The following ERC2 variants were observed in gnomAD, a reference collection of about 807,000 sequenced individuals.
The protein encoded by ERC2 is ELKS/RAB6-interacting/CAST family member 2.
ERC2 carries 42 observed loss-of-function variants against 114.8 expected under a neutral mutation model. The ratio of observed to expected loss-of-function variants is 0.37; its 90% CI spans 0.29 to 0.47. The LOEUF (loss-of-function observed/expected upper bound fraction) is 0.47. Ranked by LOEUF, ERC2 falls within the 20% of genes least tolerant of loss-of-function variation. ERC2 has a pLI of 0.99. For synonymous variants in ERC2, 454 were observed against 425.5 expected, an observed-to-expected ratio of 1.07 and a Z score of -0.82; for missense variants, 939 against 1,150.7, an observed-to-expected ratio of 0.82 and a Z score of 2.66.
chr3:55,603,182 T>C (rs1295283914), intron 17 of ERC2, among the ~76,000 whole-genome samples: 1 of 152,202 alleles, frequency 6.6e-6, no homozygotes, highest in African/African-American at 2.4e-5. Context: ...ATGAAAGGCT[T>C]CCTAATGAGC....
At chr3:55,900,823 A>G (rs2064095364) in intron 13 of ERC2, among the ~76,000 whole-genome samples, 3 of 152,236 alleles carry the variant, frequency 2.0e-5, no homozygotes, top group African/African-American at 7.2e-5. Context: ...AAGGAGCCAT[A>G]CTGTAGAAAG....
At chr3:55,533,998 G>C (rs962988843) in intron 17 of ERC2, among the ~76,000 whole-genome samples, 1 of 152,132 alleles carries the variant, frequency 6.6e-6, no homozygotes, top group Non-Finnish European at 1.5e-5. Flanking sequence ...TCCCAGCTTG[G>C]CCACTTACTG....
At chr3:55,980,668 A>G (rs1576441752) in intron 12 of ERC2, among the ~76,000 whole-genome samples, 1 of 152,228 alleles carries the variant, frequency 6.6e-6, no homozygotes, top group East Asian at 1.9e-4. Context: ...GAGATTTACT[A>G]TTTGCTGATA....
intron 3 of ERC2, among the ~76,000 whole-genome samples, 169 bp downstream of exon 3, chr3:56,295,850 T>A (rs562713165): frequency 6.6e-6 from 1 of 152,348 alleles, no homozygotes; most frequent in East Asian, 1.9e-4. Context: ...GAGCAAAGAC[T>A]AATACAAAAT....
At chr3:55,688,197 G>A (rs778716430) in intron 16 of ERC2, among the ~76,000 whole-genome samples, 2 of 152,146 alleles carry the variant, frequency 1.3e-5, no homozygotes, top group Non-Finnish European at 2.9e-5. Context: ...AAAAATAAGC[G>A]TTAGCTTATT....
chr3:56,261,856 C>G (rs1360416110), intron 3 of ERC2, among the ~76,000 whole-genome samples: 1 of 152,110 alleles, frequency 6.6e-6, no homozygotes, highest in African/African-American at 2.4e-5. Context: ...GATCCTCTCC[C>G]TCCTCCCACC....
chr3:56,075,522 T>A (rs1321089102), intron 7 of ERC2, among the ~76,000 whole-genome samples: 1 of 152,198 alleles, frequency 6.6e-6, no homozygotes, highest in East Asian at 1.9e-4. Flanking sequence ...TAGCCAGAAG[T>A]GGCTTCTGCT....
intron 15 of ERC2, among the ~76,000 whole-genome samples, chr3:55,714,291 T>C (rs2063951867): frequency 6.6e-6 from 1 of 152,148 alleles, no homozygotes; most frequent in East Asian, 1.9e-4. Context: ...ATTTAACATA[T>C]GTCTACCCTG....
intron 17 of ERC2, among the ~76,000 whole-genome samples, chr3:55,675,533 T>C (rs1297582722): frequency 2.0e-5 from 3 of 152,168 alleles, no homozygotes; most frequent in South Asian, 2.1e-4. Flanking sequence ...TTAGATGTCG[T>C]CTTGGTTTTC....
intron 3 of ERC2, among the ~76,000 whole-genome samples, chr3:56,189,180 A>C (rs2083827755): frequency 6.6e-6 from 1 of 152,240 alleles, no homozygotes; most frequent in Admixed American, 6.5e-5. Flanking sequence ...TTTGACAGCT[A>C]CACAGCATAA....
At chr3:55,605,290 A>G in intron 17 of ERC2, among the ~76,000 whole-genome samples, 1 of 151,890 alleles carries the variant, frequency 6.6e-6, no homozygotes, top group East Asian at 1.9e-4. Context: ...CAATTATTTT[A>G]TTCTTTTGTT....
intron 2 of ERC2, among the ~76,000 whole-genome samples, chr3:56,324,939 C>T (rs1162617191): frequency 6.6e-6 from 1 of 151,736 alleles, no homozygotes; most frequent in Non-Finnish European, 1.5e-5. Flanking sequence ...TTTCCCCTCC[C>T]TCAGTTTTCA....
chr3:55,728,590 A>T lies in ERC2; in HGVS notation c.2712+6181T>A, dbSNP rs547482524. Among the ~76,000 whole-genome samples, 4 of 152,294 alleles carry T rather than the reference A, an allele frequency of 2.6e-5. No homozygotes were observed. The East Asian group carries it at 7.7e-4, about 29-fold the overall frequency. ...AGCCTGGGAAGGGTTTTCAGCAGTA[A>T]GGACTGGGGGGTGATGAGTGTAACC... On this transcript the variant is annotated intron_variant, in intron 15 of 17. Coordinates refer to ENST00000288221, the MANE Select transcript of ERC2 (RefSeq NM_015576.3).
In ERC2 at chr3:55,636,064, C is replaced by T. The variant is rs974414212; in HGVS notation, c.*39+47730G>A. Among the ~76,000 whole-genome samples, 6 of 151,554 alleles carry T rather than the reference C, an allele frequency of 4.0e-5. No homozygotes were observed. The East Asian group carries it at 1.2e-3, about 30-fold the overall frequency. ...CTAATTTTTATATCTTTAGTAGAGG[C>T]GGGGTTTCACCATACTGGCAAGGCT... On this transcript the variant is annotated intron_variant, in intron 17 of 17. Coordinates refer to ENST00000288221, the MANE Select transcript of ERC2 (RefSeq NM_015576.3).
At chr3:56,460,235 G>T (rs951604313) in intron 1 of ERC2, among the ~76,000 whole-genome samples, 6 of 152,210 alleles carry the variant, frequency 3.9e-5, no homozygotes, top group Admixed American at 1.3e-4. Flanking sequence ...CATTGACAAT[G>T]GTTAAGGCTT....
At chr3:55,896,046 T>C (rs933585603) in intron 13 of ERC2, among the ~76,000 whole-genome samples, 1 of 152,182 alleles carries the variant, frequency 6.6e-6, no homozygotes, top group Non-Finnish European at 1.5e-5. Flanking sequence ...TGCGCTGGTA[T>C]AGAAGCATGT....
chr3:56,340,587 C>T (rs545574882), intron 2 of ERC2, among the ~76,000 whole-genome samples: 18 of 91,200 alleles, frequency 2.0e-4, no homozygotes, highest in Non-Finnish European at 3.9e-4. Context: ...TGTTTAATCT[C>T]ACTAATTTAC....
At chr3:55,568,138 G>T (rs1412702847) in intron 17 of ERC2, among the ~76,000 whole-genome samples, 1 of 152,172 alleles carries the variant, frequency 6.6e-6, no homozygotes, top group Non-Finnish European at 1.5e-5. Context: ...GGCCTCACTA[G>T]CCAAGTACAT....
chr3:55,982,523 G>A (rs765443438), intron 12 of ERC2, among the ~76,000 whole-genome samples: 5 of 151,838 alleles, frequency 3.3e-5, no homozygotes, highest in African/African-American at 4.8e-5. Context: ...AACACCAAAT[G>A]TATTACTGTT....
Sources: allele counts gnomAD v4.1 joint callset (sites outside exome capture counted in the v4.1 genomes callset), GRCh38; gene constraint gnomAD v4.1.1; transcripts MANE v1.5; gene names NCBI Gene and HGNC (gene_info 2026-07-23, HGNC 2026-07-21).